The following SPOCK2 variants were observed in gnomAD, a reference collection of about 807,000 sequenced individuals.
The protein encoded by SPOCK2 is SPARC (osteonectin), cwcv and kazal like domains proteoglycan 2.
A neutral mutation model predicts 60.1 loss-of-function variants in SPOCK2; 39 were observed. That is an observed-to-expected ratio of 0.65 (90% CI 0.50 to 0.85). The LOEUF (loss-of-function observed/expected upper bound fraction) is 0.85, where lower values mean the gene tolerates loss of function less well. Among genes scored for constraint, SPOCK2 ranks in the 40% least tolerant of loss-of-function variants. SPOCK2 has a pLI of 0.00. For synonymous variants in SPOCK2, 217 were observed against 231.5 expected (o/e 0.94, Z 0.57); for missense variants, 523 against 567.4 (o/e 0.92, Z 0.80).
At chr10:72,082,853 C>CAAAAAAAA (rs770751183) in intron 1 of SPOCK2, among the ~76,000 whole-genome samples, 3 of 46,012 alleles carry the variant, frequency 6.5e-5, no homozygotes, top group African/African-American at 2.0e-4. Context: ...GACCCTGTCT[C>CAAAAAAAA]AAAAAAAAAA....
chr10:72,084,194 T>C lies in SPOCK2; in HGVS notation c.189+3946A>G, dbSNP rs138931231. Among the ~76,000 whole-genome samples, 290 of 152,322 alleles carry C rather than the reference T, an allele frequency of 1.9e-3. 3 individuals are homozygous for C. Among genetic ancestry groups the C allele is most frequent in the African/African-American group, 6.4e-3 (266 of 41,558 alleles). Reference sequence around the variant, plus strand: ...GGACAGGCATGGTGTGGGCCAGCCCTAGAAATGAGGACCCATCTGGTGGTT... The same window carrying C: ...GGACAGGCATGGTGTGGGCCAGCCCCAGAAATGAGGACCCATCTGGTGGTT... On this transcript the variant is annotated intron_variant, in intron 1 of 10. Transcript: ENST00000373109.
chr10:72,083,919 G>A (rs1026509080), intron 1 of SPOCK2, among the ~76,000 whole-genome samples: 11 of 152,102 alleles, frequency 7.2e-5, no homozygotes, highest in Non-Finnish European at 1.3e-4. Context: ...TCGGCGCAGC[G>A]CATCCCCACA....
intron 1 of SPOCK2, among the ~76,000 whole-genome samples, chr10:72,077,260 A>C (rs1676895631): frequency 6.6e-6 from 1 of 152,210 alleles, no homozygotes; most frequent in Middle Eastern, 3.4e-3. Flanking sequence ...ACCTGGGAGC[A>C]CAGGCATGTG....
chr10:72,088,253 C>A lies in SPOCK2; in HGVS notation c.76G>T (p.Ala26Ser). The change falls in exon 1 of 11, where the codon GCC becomes TCC. Residue 26 changes from alanine (A) to serine (S), a missense_variant. Coordinates refer to ENST00000373109, the MANE Select transcript of SPOCK2 (RefSeq NM_001244950.2). ...LAAAALAEGD[A>S]KGLKEGETPG... Reference sequence around the variant, plus strand: ...GTCTCGCCCTCCTTGAGCCCCTTGGCGTCGCCTTCGGCCAGGGCTGCCGCG... The same window carrying A: ...GTCTCGCCCTCCTTGAGCCCCTTGGAGTCGCCTTCGGCCAGGGCTGCCGCG... 1 of 1,609,816 alleles carries A rather than the reference C, an allele frequency of 6.2e-7. No individual in the cohort carries two copies. The highest frequency in any genetic ancestry group is 8.5e-7 in the Non-Finnish European group (1 of 1,179,130).
intron 1 of SPOCK2, among the ~76,000 whole-genome samples, chr10:72,074,555 A>G (rs2131817655): frequency 6.6e-6 from 1 of 152,348 alleles, no homozygotes; most frequent in Non-Finnish European, 1.5e-5. Context: ...GGACACTAAC[A>G]AGGACATTGT....
intron 1 of SPOCK2, among the ~76,000 whole-genome samples, chr10:72,074,611 C>G (rs1392369393): frequency 6.6e-6 from 1 of 152,234 alleles, no homozygotes; most frequent in Admixed American, 6.5e-5. Flanking sequence ...GGTAACAAAA[C>G]CCACTCTGTG....
intron 1 of SPOCK2, among the ~76,000 whole-genome samples, chr10:72,082,321 A>G (rs1318309778): frequency 2.6e-5 from 4 of 152,210 alleles, no homozygotes; most frequent in Admixed American, 6.5e-5. Context: ...TAAACTGTGT[A>G]TGCAGGCATA....
At chr10:72,080,254 C>A (rs548092572) in intron 1 of SPOCK2, among the ~76,000 whole-genome samples, 1 of 152,240 alleles carries the variant, frequency 6.6e-6, no homozygotes, top group African/African-American at 2.4e-5. Flanking sequence ...AACCCTGTTA[C>A]GGCATTTCTT....
Position 72,088,350 on chromosome 10 carries a change from G to A in SPOCK2, c.-22C>T. The A allele has an allele frequency of 6.5e-7, 1 of 1,540,666 alleles. No homozygotes were observed. Among genetic ancestry groups the A allele is most frequent in the Non-Finnish European group, 8.7e-7 (1 of 1,148,200 alleles). ...GCATCGTGGTCTGGGTTCGACCTGG[G>A]GGGGTCTTGACTTCTGCAGTATTTT... On this transcript the variant is annotated 5_prime_UTR_variant, in exon 1 of 11. Transcript: ENST00000373109.
intron 1 of SPOCK2, chr10:72,086,569 G>C: frequency 8.7e-7 from 1 of 1,143,792 alleles, no homozygotes; most frequent in Non-Finnish European, 1.1e-6. Context: ...CTGTGGCCGG[G>C]CTGCTGCCCA....
At chr10:72,067,203 GC>G in intron 7 of SPOCK2, 83 bp from the exon 8 acceptor site, 3 of 1,370,938 alleles carry the variant, frequency 2.2e-6, no homozygotes, top group Non-Finnish European at 3.0e-6. Context: ...CTCGCCATCA[GC>G]CCCAGCCCTC....
At chr10:72,065,468 A>G (rs193114641) in intron 8 of SPOCK2, among the ~76,000 whole-genome samples, 2 of 152,236 alleles carry the variant, frequency 1.3e-5, no homozygotes, top group African/African-American at 4.8e-5. Context: ...CCGCACCACC[A>G]AGGTCTGTGT....
chr10:72,072,729 T>G, intron 2 of SPOCK2, 173 bp downstream of exon 2: 1 of 1,342,832 alleles, frequency 7.4e-7, no homozygotes, highest in Non-Finnish European at 1.0e-6. Context: ...TCTATCCCTA[T>G]AAACCCATGT....
Position 72,064,235 on chromosome 10 carries a change from G to A in SPOCK2, c.934C>T (p.Pro312Ser), listed in dbSNP as rs2131809679. The A allele has an allele frequency of 6.3e-7, 1 of 1,596,070 alleles. No homozygotes were observed. The highest frequency in any genetic ancestry group is 8.5e-7 in the Non-Finnish European group (1 of 1,173,702). The change falls in exon 9 of 11, where the codon CCC becomes TCC. Residue 312 changes from proline to serine, a missense_variant. Physicochemically the swap from Pro to Ser is moderately conservative, Grantham distance 74 (BLOSUM62 -1). Transcript: ENST00000373109. ...WCFCFWREKP[P>S]CLAELERIQI... ...ATGCGCTCCAGCTCTGCCAGGCAGG[G>A]GGGCTCTGTGGGGAGAGAAGCAGCC...
intron 8 of SPOCK2, 146 bp downstream of exon 8, chr10:72,066,756 G>A (rs1840573418): frequency 1.2e-6 from 1 of 817,782 alleles, no homozygotes; most frequent in Non-Finnish European, 1.9e-6. Flanking sequence ...AAGCCCTAAG[G>A]GAGTGCAGGA....
intron 1 of SPOCK2, among the ~76,000 whole-genome samples, chr10:72,075,476 C>T (rs1012583047): frequency 3.9e-5 from 6 of 152,228 alleles, no homozygotes; most frequent in Admixed American, 3.9e-4. Context: ...CTCACTCCCA[C>T]CTTCTGGCCC....
At chr10:72,074,364 A>G (rs568766607) in intron 1 of SPOCK2, among the ~76,000 whole-genome samples, 1 of 151,946 alleles carries the variant, frequency 6.6e-6, no homozygotes, top group African/African-American at 2.4e-5. Context: ...GCACAGGCAT[A>G]GACCTGAGTG....
At chr10:72,066,731 G>A (rs2131811574) in intron 8 of SPOCK2, among the ~76,000 whole-genome samples, 171 bp downstream of exon 8, 1 of 152,270 alleles carries the variant, frequency 6.6e-6, no homozygotes, top group Admixed American at 6.5e-5. Flanking sequence ...TGGCTTCCCT[G>A]GGCCTTAAGG....
intron 1 of SPOCK2, among the ~76,000 whole-genome samples, chr10:72,085,625 C>T (rs572728613): frequency 9.2e-5 from 14 of 152,290 alleles, no homozygotes; most frequent in Admixed American, 4.6e-4. Flanking sequence ...GTATCCCACT[C>T]GTCCTGCTTG....
Sources: allele counts gnomAD v4.1 joint callset (sites outside exome capture counted in the v4.1 genomes callset), GRCh38; gene constraint gnomAD v4.1.1; transcripts MANE v1.5; gene names NCBI Gene and HGNC (gene_info 2026-07-23, HGNC 2026-07-21).